Variants in KAZN observed in about 807,000 individuals in gnomAD.
KAZN encodes the protein kazrin.
A neutral mutation model predicts 87.4 loss-of-function variants in KAZN; 40 were observed. The observed-to-expected ratio is 0.46, with a 90% CI of 0.36 to 0.60. The LOEUF is 0.60. Among genes scored for constraint, KAZN ranks in the 20% least tolerant of loss-of-function variants. KAZN has a pLI of 0.00. For missense variants in KAZN, 898 were observed against 1,073.9 expected, an observed-to-expected ratio of 0.84 and a Z score of 2.29; for synonymous variants, 466 against 458.3, an observed-to-expected ratio of 1.02 and a Z score of -0.22.
chr1:15,019,932 A>G (rs552277652), intron 2 of KAZN, among the ~76,000 whole-genome samples: 36 of 152,188 alleles, frequency 2.4e-4, no homozygotes, highest in African/African-American at 8.7e-4. Flanking sequence ...CACCTCCATG[A>G]ATGTCCTCCC....
intron 13 of KAZN, among the ~76,000 whole-genome samples, chr1:15,110,587 C>T (rs1039135199): frequency 7.3e-6 from 1 of 136,210 alleles, no homozygotes; most frequent in Non-Finnish European, 1.6e-5. Context: ...ATTTAGTCCT[C>T]ACAATGACCT....
intron 6 of KAZN, 114 bp downstream of exon 6, chr1:15,060,416 C>T (rs1638694144): frequency 3.6e-6 from 5 of 1,372,038 alleles, no homozygotes; most frequent in Non-Finnish European, 5.1e-6. Context: ...CCAGGGAGCA[C>T]TCTGGCGAAT....
intron 1 of KAZN, among the ~76,000 whole-genome samples, chr1:14,601,071 T>C (rs1458555894): frequency 2.0e-5 from 3 of 152,224 alleles, no homozygotes; most frequent in Non-Finnish European, 2.9e-5. Flanking sequence ...TTGGATCTCT[T>C]GGATATCCTT....
intron 1 of KAZN, among the ~76,000 whole-genome samples, chr1:13,961,200 C>T (rs1209163326): frequency 6.6e-6 from 1 of 152,080 alleles, no homozygotes; most frequent in Non-Finnish European, 1.5e-5. Flanking sequence ...TGTGGAGTCT[C>T]TGTGTGTTGA....
rs1326353606 is a variant in KAZN at position 14,528,359 on chromosome 1, AAAGAAAG to A, written c.250-70621_250-70615del. On this transcript the variant is annotated intron_variant, in intron 2 of 16. Transcript: ENST00000636203. ...TCTCAAAAAAAAAAAAAAAAAAAAA[AAAGAAAG>A]AAAAAAAGGAAAATTATTTTCACAT... Among the ~76,000 whole-genome samples the A allele has an allele frequency of 1.1e-4, 14 of 133,032 alleles. No individual in the cohort carries two copies. In the East Asian group the frequency reaches 3.1e-3, roughly 29 times the overall value. The allele number at this position is 133,032 out of a possible 152,430, so 87.3% of individuals were successfully genotyped here.
upstream of KAZN, among the ~76,000 whole-genome samples, chr1:14,595,481 C>T (rs1404466132): frequency 6.6e-6 from 1 of 151,770 alleles, no homozygotes; most frequent in Non-Finnish European, 1.5e-5. Context: ...AGTTCGAGAC[C>T]AACCTGGCCA....
At chr1:14,903,582 G>A (rs917415089) in intron 1 of KAZN, among the ~76,000 whole-genome samples, 16 of 152,174 alleles carry the variant, frequency 1.1e-4, no homozygotes, top group Non-Finnish European at 1.8e-4. Context: ...AGAATGTAAG[G>A]CCGGGGTCTG....
intron 2 of KAZN, among the ~76,000 whole-genome samples, chr1:14,233,714 A>T (rs2100549927): frequency 6.6e-6 from 1 of 152,314 alleles, no homozygotes; most frequent in African/African-American, 2.4e-5. Flanking sequence ...ATACTTTTTA[A>T]AGTACTGGTC....
chr1:14,955,190 T>C (rs1195389020), intron 1 of KAZN, among the ~76,000 whole-genome samples: 1 of 152,258 alleles, frequency 6.6e-6, no homozygotes, highest in Non-Finnish European at 1.5e-5. Flanking sequence ...CAACGGCAGC[T>C]TCTTTATTGT....
rs1044573375 is a variant in KAZN at position 13,958,609 on chromosome 1, G to A, written c.91+64853G>A. On this transcript the variant is annotated intron_variant, in intron 1 of 16. Transcript: ENST00000636203. The stretch of plus-strand genomic sequence containing the variant: ...AAAAAATTAAAAATTAACATATTGG[G>A]AGAGAAACTAATTTGAAGGGCAGAT... Among the ~76,000 whole-genome samples the A allele has an allele frequency of 7.9e-5, 12 of 151,918 alleles. 1 individual carries two copies. Among genetic ancestry groups the A allele is most frequent in the African/African-American group, 1.5e-4 (6 of 41,360 alleles).
Position 14,706,331 on chromosome 1 carries a change from C to T in KAZN, c.226+107108C>T, listed in dbSNP as rs996517842. 2.0e-5 allele frequency among the ~76,000 whole-genome samples: 3 copies of T among 152,056 alleles called. 1 individual carries two copies. In the East Asian group the frequency reaches 5.8e-4, roughly 29 times the overall value. On this transcript the variant is annotated intron_variant, in intron 1 of 14. Transcript: ENST00000376030. ...TTGAATCATCCCCAAACCATCCCCC[C>T]ACCCCGCCAATCTGGGGAAAACCTG...
chr1:14,592,085 A>T (rs1430374082), intron 2 of KAZN, among the ~76,000 whole-genome samples: 1 of 152,132 alleles, frequency 6.6e-6, no homozygotes, highest in Admixed American at 6.5e-5. Context: ...TCCTGTCTGG[A>T]GATCTGTTGC....
At chr1:14,557,080 TG>T (rs144921525) in intron 2 of KAZN, among the ~76,000 whole-genome samples, 64 of 152,060 alleles carry the variant, frequency 4.2e-4, no homozygotes, top group Non-Finnish European at 7.4e-4. Flanking sequence ...AGCAGGGGGA[TG>T]AAAAAAACGA....
At chr1:15,103,334 G>T (rs1050580609) in intron 11 of KAZN, 25 bp from the exon 12 acceptor site, 1 of 1,538,130 alleles carries the variant, frequency 6.5e-7, no homozygotes, top group South Asian at 1.2e-5. Context: ...TTGTCCCTCC[G>T]AATGACCCAC....
chr1:14,360,309 T>A (rs995729994), intron 2 of KAZN, among the ~76,000 whole-genome samples: 2 of 152,238 alleles, frequency 1.3e-5, no homozygotes, highest in African/African-American at 4.8e-5. Flanking sequence ...TACATTCTTC[T>A]ATAAACTAGT....
At chr1:14,987,319 C>A (rs1209497458) in intron 2 of KAZN, among the ~76,000 whole-genome samples, 1 of 152,058 alleles carries the variant, frequency 6.6e-6, no homozygotes, top group Non-Finnish European at 1.5e-5. Flanking sequence ...ATGGTGAAAC[C>A]CCGTCTCTAC....
At chr1:14,666,175 G>A (rs1228384597) in intron 1 of KAZN, among the ~76,000 whole-genome samples, 2 of 151,898 alleles carry the variant, frequency 1.3e-5, no homozygotes, top group Non-Finnish European at 2.9e-5. Flanking sequence ...CCGTCTCAGC[G>A]AGGATCTGTG....
chr1:15,064,847 G>A (rs1346767646), intron 7 of KAZN, among the ~76,000 whole-genome samples: 3 of 152,118 alleles, frequency 2.0e-5, no homozygotes, highest in African/African-American at 7.2e-5. Flanking sequence ...CTCGCATCGT[G>A]GACATGACCA....
chr1:14,892,497 C>A (rs1654823127), intron 1 of KAZN, among the ~76,000 whole-genome samples: 1 of 151,958 alleles, frequency 6.6e-6, no homozygotes, highest in African/African-American at 2.4e-5. Flanking sequence ...CCCCCAGACA[C>A]CACCATGGAG....
Sources: gnomAD v4.1 joint callset for allele counts (sites outside exome capture counted in the v4.1 genomes callset) on GRCh38, gnomAD v4.1.1 for gene constraint, MANE v1.5 for transcripts, NCBI Gene and HGNC (gene_info 2026-07-23, HGNC 2026-07-21) for gene names.